Variants in SVOPL observed in about 807,000 individuals in gnomAD.
SVOPL encodes SVOP like.
A neutral mutation model predicts 61.0 loss-of-function variants in SVOPL; 60 were observed. The observed-to-expected ratio is 0.98, with a 90% CI of 0.80 to 1.22. SVOPL has a LOEUF of 1.22. Ranked by LOEUF, SVOPL falls within the 50% of genes most tolerant of loss-of-function variation. SVOPL has a pLI of 0.00. For synonymous variants in SVOPL, 279 were observed against 250.0 expected, an observed-to-expected ratio of 1.12 and a Z score of -1.09; for missense variants, 662 against 643.9, an observed-to-expected ratio of 1.03 and a Z score of -0.30.
chr7:138,687,679 C>A, intron 1 of SVOPL, among the ~76,000 whole-genome samples: 1 of 141,720 alleles, frequency 7.1e-6, no homozygotes. Flanking sequence ...CATCTAAAGA[C>A]ACTATCAAGA....
At chr7:138,643,193 G>A (rs906983970) in intron 9 of SVOPL, among the ~76,000 whole-genome samples, 1 of 152,058 alleles carries the variant, frequency 6.6e-6, no homozygotes, top group African/African-American at 2.4e-5. Context: ...TTGGGAGGCC[G>A]AGGAGGGCGG....
chr7:138,637,463 T>G (rs78849776), intron 9 of SVOPL, among the ~76,000 whole-genome samples: 2,632 of 18,890 alleles, frequency 0.14, 58 homozygotes, highest in African/African-American at 0.21. Flanking sequence ...TAGATATATA[T>G]ATATAGATAT....
At chr7:138,680,335 G>T (rs1323302002) in intron 1 of SVOPL, among the ~76,000 whole-genome samples, 1 of 152,078 alleles carries the variant, frequency 6.6e-6, no homozygotes, top group African/African-American at 2.4e-5. Context: ...TTTTAGTAGA[G>T]ATGGGGTTTT....
intron 9 of SVOPL, among the ~76,000 whole-genome samples, chr7:138,644,509 T>C (rs372115723): frequency 7.2e-5 from 11 of 152,318 alleles, no homozygotes; most frequent in African/African-American, 2.4e-4. Context: ...TCCCATTTTA[T>C]TGATAAGAAA....
At chr7:138,605,186 T>A (rs1798698067) in intron 14 of SVOPL, among the ~76,000 whole-genome samples, 1 of 144,250 alleles carries the variant, frequency 6.9e-6, no homozygotes. Flanking sequence ...TTCCTGACAT[T>A]TATTTAAAAA....
chr7:138,596,385 G>A (rs563467876), intron 15 of SVOPL, 32 bp downstream of exon 15: 1 of 1,603,926 alleles, frequency 6.2e-7, no homozygotes, highest in South Asian at 1.1e-5. Context: ...AGTGGTAGTT[G>A]AAAAGACTTC....
At chr7:138,637,881 G>T (rs191560030) in intron 9 of SVOPL, among the ~76,000 whole-genome samples, 157 of 152,038 alleles carry the variant, frequency 1.0e-3, no homozygotes, top group Admixed American at 1.8e-3. Context: ...GAACCCAGGA[G>T]GCAGAGGTTG....
At chr7:138,612,766 C>T (rs947010148) in intron 14 of SVOPL, among the ~76,000 whole-genome samples, 128 of 152,160 alleles carry the variant, frequency 8.4e-4, no homozygotes, top group African/African-American at 2.9e-3. Flanking sequence ...CAATCAGCCT[C>T]GGCCTCCCAA....
chr7:138,612,476 T>C (rs1329939887), intron 14 of SVOPL, among the ~76,000 whole-genome samples: 2 of 143,120 alleles, frequency 1.4e-5, no homozygotes, highest in Non-Finnish European at 3.0e-5. Context: ...AAGATAAGAC[T>C]TTATCTTTCA....
At chr7:138,689,379 G>A in intron 1 of SVOPL, 1 of 1,562,760 alleles carries the variant, frequency 6.4e-7, no homozygotes, top group Non-Finnish European at 8.7e-7. Flanking sequence ...CAGAGCTTAT[G>A]GTCGGATTTA....
intron 14 of SVOPL, among the ~76,000 whole-genome samples, chr7:138,607,716 A>C (rs1163594809): frequency 6.6e-6 from 1 of 152,188 alleles, no homozygotes; most frequent in Non-Finnish European, 1.5e-5. Context: ...GGTTAGCTGG[A>C]AAGAGGAGAA....
chr7:138,690,624 G>A (rs147460317), intron 1 of SVOPL, among the ~76,000 whole-genome samples: 14 of 152,022 alleles, frequency 9.2e-5, no homozygotes, highest in Non-Finnish European at 1.8e-4. Flanking sequence ...GAGTGGTTGC[G>A]GGGGGAGGAG....
intron 9 of SVOPL, among the ~76,000 whole-genome samples, chr7:138,644,197 CAAAAAAAAAAAAAAAA>C (rs71179714): frequency 1.2e-4 from 6 of 50,378 alleles, no homozygotes; most frequent in Non-Finnish European, 2.0e-4. Flanking sequence ...AAGACTCCAT[CAAAAAAAAAAAAAAAA>C]AAAAAAAAAA....
chr7:138,608,091 A>C (rs1798833336), intron 14 of SVOPL, among the ~76,000 whole-genome samples: 1 of 152,258 alleles, frequency 6.6e-6, no homozygotes, highest in Non-Finnish European at 1.5e-5. Context: ...AAGACAATAA[A>C]ATCCCAGCAA....
At chr7:138,661,984 C>T (rs1802022826) in intron 5 of SVOPL, 2 of 985,342 alleles carry the variant, frequency 2.0e-6, no homozygotes, top group East Asian at 1.1e-4. Context: ...CTGCATGAAC[C>T]CACTGCGTTC....
intron 4 of SVOPL, among the ~76,000 whole-genome samples, chr7:138,668,544 G>A (rs1802333129): frequency 6.6e-6 from 1 of 152,156 alleles, no homozygotes; most frequent in African/African-American, 2.4e-5. Flanking sequence ...ATGTGCTGCT[G>A]TGATTGGGCA....
intron 1 of SVOPL, among the ~76,000 whole-genome samples, chr7:138,698,817 A>AC (rs111572243): frequency 0.051 from 7,765 of 152,192 alleles, 312 homozygotes; most frequent in African/African-American, 0.11. Context: ...AATTTTTACA[A>AC]TTCACCATAA....
intron 14 of SVOPL, among the ~76,000 whole-genome samples, chr7:138,609,078 TTAAAA>T (rs1278450388): frequency 2.6e-5 from 4 of 152,006 alleles, no homozygotes; most frequent in Admixed American, 2.6e-4. Flanking sequence ...AATTACCCAA[TTAAAA>T]TATGAATAAG....
chr7:138,605,381 G>A lies in SVOPL; in HGVS notation c.1354-8851C>T, dbSNP rs556073769. 2.6e-5 allele frequency among the ~76,000 whole-genome samples: 4 copies of A among 151,844 alleles called. No homozygotes were observed. In the South Asian group the frequency reaches 8.3e-4, roughly 32 times the overall value. ...TCTTTTTAATAAGACTAGAATGAAG[G>A]CCGGGTGCAGTGGCTCACGCCTGTA... is the stretch of plus-strand genomic sequence containing the variant. On this transcript the variant is annotated intron_variant, in intron 14 of 15. Transcript: ENST00000674285.
Sources: allele counts gnomAD v4.1 joint callset (sites outside exome capture counted in the v4.1 genomes callset), GRCh38; gene constraint gnomAD v4.1.1; transcripts MANE v1.5; gene names NCBI Gene and HGNC (gene_info 2026-07-23, HGNC 2026-07-21).